TENM1: variants seen among roughly 807,000 people sequenced by gnomAD.
TENM1 encodes teneurin-1.
Under a neutral mutation model 174.8 loss-of-function variants are expected in TENM1, and 35 were observed. That is an observed-to-expected ratio of 0.20 (90% CI 0.15 to 0.27). The LOEUF (loss-of-function observed/expected upper bound fraction) is 0.27. Ranked by LOEUF, TENM1 falls within the 10% of genes least tolerant of loss-of-function variation. TENM1 has a pLI of 1.00. For missense variants in TENM1, 1,633 were observed against 2,130.1 expected (o/e 0.77, Z 4.59); for synonymous variants, 781 against 798.7 (o/e 0.98, Z 0.37).
intron 3 of TENM1, among the ~76,000 whole-genome samples, chrX:124,854,552 C>T (rs933902005): frequency 9.0e-6 from 1 of 111,595 alleles, no homozygotes; most frequent in Non-Finnish European, 1.9e-5. Flanking sequence ...TTTTTCCTAA[C>T]AGAAAAGTAG....
intron 13 of TENM1, among the ~76,000 whole-genome samples, chrX:124,562,976 T>A (rs2048853978): frequency 1.8e-5 from 2 of 112,329 alleles, no homozygotes; most frequent in African/African-American, 6.5e-5. Context: ...AGAAAAAATT[T>A]AAAAATAAAA....
upstream of TENM1, among the ~76,000 whole-genome samples, chrX:124,964,063 C>T (rs750556423): frequency 3.6e-5 from 4 of 112,034 alleles, no homozygotes; most frequent in Non-Finnish European, 7.5e-5. Context: ...GAGAGACAGC[C>T]TTCAAAAATA....
At position 124,903,167 on chromosome X, in the gene TENM1, G is replaced by A. The variant is rs145810365; in HGVS notation, c.218-6926C>T. On this transcript the variant is annotated intron_variant, in intron 1 of 31. Coordinates refer to ENST00000422452, the Ensembl canonical transcript of TENM1. Reference sequence around the variant, plus strand: ...AATGCACCCATTATCTCGGCACTCAGGACCTACTAATTATGCCTTATTTAA... The same window carrying A: ...AATGCACCCATTATCTCGGCACTCAAGACCTACTAATTATGCCTTATTTAA... Among the ~76,000 whole-genome samples the A allele has an allele frequency of 8.2e-3, 914 of 111,378 alleles. 12 individuals carry two copies. Among genetic ancestry groups the A allele is most frequent in the African/African-American group, 0.028 (864 of 30,614 alleles).
intron 22 of TENM1, among the ~76,000 whole-genome samples, chrX:124,462,617 GTTAC>G (rs1274624882): frequency 1.8e-5 from 2 of 110,850 alleles, no homozygotes; most frequent in Non-Finnish European, 3.8e-5. Flanking sequence ...CACAGAAGCT[GTTAC>G]TTATTTATTT....
rs926223300 is a variant in TENM1, at chrX:124,737,253, C to T, written c.536-56G>A. Reference sequence around the variant, plus strand: ...GAGACTTACTCTCCCACTTGGCAGTCAGGGAAACCAGCATGACAGACTTAC... The same window carrying T: ...GAGACTTACTCTCCCACTTGGCAGTTAGGGAAACCAGCATGACAGACTTAC... On this transcript the variant is annotated intron_variant, in intron 3 of 31. Transcript: ENST00000422452. The T allele has an allele frequency of 7.3e-6, 8 of 1,091,052 alleles. No homozygotes were observed. In the African/African-American group the frequency reaches 1.5e-4, roughly 20 times the overall value. The allele number at this position is 1,091,052 out of a possible 1,213,427, so 89.9% of individuals were successfully genotyped here. A position where few individuals can be genotyped will look rare whatever the true frequency, so the allele number is the denominator to read the frequency against.
intron 23 of TENM1, among the ~76,000 whole-genome samples, chrX:124,448,295 A>G (rs1380775565): frequency 9.8e-6 from 1 of 102,155 alleles, no homozygotes; most frequent in African/African-American, 3.3e-5. Context: ...TCCCAAAAGC[A>G]TTGGAAAACA....
chrX:124,591,171 T>G (rs1311294387), intron 11 of TENM1, among the ~76,000 whole-genome samples: 1 of 111,877 alleles, frequency 8.9e-6, no homozygotes, highest in Non-Finnish European at 1.9e-5. Context: ...ATGGGTCTTG[T>G]TTTTTTATCC....
chrX:124,563,846 T>G (rs1399061587), intron 12 of TENM1, 74 bp from the exon 16 acceptor site: 4 of 960,533 alleles, frequency 4.2e-6, no homozygotes, highest in Non-Finnish European at 4.3e-6. Context: ...ACTAATGGTT[T>G]ACCATCTGTT....
intron 3 of TENM1, among the ~76,000 whole-genome samples, chrX:124,884,639 C>T (rs1288390769): frequency 9.0e-6 from 1 of 111,104 alleles, no homozygotes; most frequent in Non-Finnish European, 1.9e-5. Context: ...GCCTTAGGTA[C>T]TTCCTGTCAC....
chrX:124,608,124 C>T (rs746347278), intron 11 of TENM1, among the ~76,000 whole-genome samples: 1 of 110,893 alleles, frequency 9.0e-6, no homozygotes, highest in Non-Finnish European at 1.9e-5. Flanking sequence ...TGTGAGAAGC[C>T]CAATAACAGG....
intron 6 of TENM1, 121 bp downstream of exon 9, chrX:124,671,562 C>T (rs893065707): frequency 1.0e-4 from 74 of 720,744 alleles, no homozygotes; most frequent in East Asian, 1.0e-3. Flanking sequence ...ATTCTGTCCA[C>T]GTAGAGGACT....
In TENM1 at chrX:124,529,952, C is replaced by T. The variant is rs1319498597; in HGVS notation, c.2683G>A (p.Ala895Thr). The T allele has an allele frequency of 3.9e-5, 47 of 1,208,550 alleles. No individual in the cohort carries two copies. Among genetic ancestry groups the T allele is most frequent in the Non-Finnish European group, 4.9e-5 (44 of 894,703 alleles). ...CCCACTAGAGGAGTTCCATCTATGG[C>T]CACCACTTGGCCTCGAATCACACAG... Residue 895 changes from alanine to threonine, a missense_variant, in exon 16 of 32, where the codon GCC (alanine) becomes ACC (threonine). Ala to Thr is a moderately conservative substitution (Grantham distance 58). Transcript: ENST00000422452.
chrX:125,059,572 T>C, the TENM1 span, among the ~76,000 whole-genome samples: 1 of 111,372 alleles, frequency 9.0e-6, no homozygotes, highest in Non-Finnish European at 1.9e-5. Flanking sequence ...TATCTGCTAC[T>C]TTGTACTCTG....
chrX:124,834,284 G>T (rs893428177), intron 3 of TENM1, among the ~76,000 whole-genome samples: 4 of 111,588 alleles, frequency 3.6e-5, no homozygotes, highest in African/African-American at 9.8e-5. Flanking sequence ...CAATTCTCCT[G>T]CCTCAGCCTT....
intron 1 of TENM1, among the ~76,000 whole-genome samples, chrX:124,942,551 A>C (rs2147756800): frequency 8.9e-6 from 1 of 112,179 alleles, no homozygotes; most frequent in African/African-American, 3.2e-5. Context: ...GTCTATTAAC[A>C]GTAACAGGAA....
rs867188301 is a variant in TENM1, at chrX:124,471,425, T to A, written c.3949+10307A>T. 1.6e-4 allele frequency among the ~76,000 whole-genome samples: 9 copies of A among 57,876 alleles called. 1 individual carries two copies. Among genetic ancestry groups the A allele is most frequent in the Admixed American group, 6.6e-4 (2 of 3,028 alleles). The allele number at this position is 57,876 out of a possible 115,157, so 50.3% of individuals were successfully genotyped here. A position where few individuals can be genotyped will look rare whatever the true frequency, so the allele number is the denominator to read the frequency against. ...TATATTATAATATATAGTAATATAT[T>A]ATATATTATATAATATATAGTACTA... On this transcript the variant is annotated intron_variant, in intron 22 of 31. Transcript: ENST00000422452.
the TENM1 span, among the ~76,000 whole-genome samples, chrX:124,996,386 C>T: frequency 9.0e-6 from 1 of 110,525 alleles, no homozygotes; most frequent in African/African-American, 3.3e-5. Context: ...TTGTCTAATA[C>T]AGCACTCCTA....
chrX:125,006,396 C>T, the TENM1 span, among the ~76,000 whole-genome samples: 1 of 111,887 alleles, frequency 8.9e-6, no homozygotes, highest in Non-Finnish European at 1.9e-5. Flanking sequence ...TCTCACCTAC[C>T]TGGGACAGAG....
Position 124,449,284 on chromosome X carries a change from T to C in TENM1, c.4104+4053A>G, listed in dbSNP as rs1297624885. Among the ~76,000 whole-genome samples the C allele has an allele frequency of 6.3e-5, 7 of 111,908 alleles. 1 individual carries two copies. The highest frequency in any genetic ancestry group is 4.7e-4 in the Admixed American group (5 of 10,595). On this transcript the variant is annotated intron_variant, in intron 23 of 31. Transcript: ENST00000422452. ...AACTGAGGCTTGGAATGAAATGCCA[T>C]AGAGAAAAGTTTCTGTCTCCTGGTT...
Sources: allele counts gnomAD v4.1 joint callset (sites outside exome capture counted in the v4.1 genomes callset), GRCh38; gene constraint gnomAD v4.1.1; transcripts MANE v1.5; gene names NCBI Gene and HGNC (gene_info 2026-07-23, HGNC 2026-07-21).